The following ZFP64 variants were observed in gnomAD, a reference collection of about 807,000 sequenced individuals.
ZFP64 encodes the protein ZFP64 zinc finger protein.
In ZFP64, 14 loss-of-function variants were observed where a neutral mutation model predicts 51.6. The observed-to-expected ratio is 0.27, with a 90% CI of 0.18 to 0.42. The LOEUF is 0.42. Among genes scored for constraint, ZFP64 ranks in the 10% least tolerant of loss-of-function variants. The pLI is 1.00. For missense variants in ZFP64, 754 were observed against 906.8 expected (o/e 0.83, Z 2.16); for synonymous variants, 375 against 361.4 (o/e 1.04, Z -0.43).
chr20:52,171,547 C>T (rs192500912), intron 2 of ZFP64, among the ~76,000 whole-genome samples: 67 of 148,522 alleles, frequency 4.5e-4, no homozygotes, highest in African/African-American at 1.4e-3. Context: ...TGGAGTGCAA[C>T]GGCGCCATCT....
intron 5 of ZFP64, among the ~76,000 whole-genome samples, chr20:52,107,936 AT>A (rs1978351865): frequency 1.3e-5 from 2 of 152,252 alleles, no homozygotes; most frequent in African/African-American, 2.4e-5. Context: ...GGTATAAGAA[AT>A]AACGTAGGTC....
At chr20:52,159,773 G>C (rs1600773447) in intron 5 of ZFP64, among the ~76,000 whole-genome samples, 1 of 152,156 alleles carries the variant, frequency 6.6e-6, no homozygotes, top group Non-Finnish European at 1.5e-5. Flanking sequence ...GACCACTTGA[G>C]GTCAATAGTT....
At chr20:52,175,893 GAGAGAAA>G in intron 2 of ZFP64, 1 of 727,024 alleles carries the variant, frequency 1.4e-6, no homozygotes, top group Non-Finnish European at 1.6e-6. Flanking sequence ...TTCATTTTCT[GAGAGAAA>G]AGAGAAAATC....
chr20:52,173,769 C>T (rs1982947082), intron 2 of ZFP64, among the ~76,000 whole-genome samples: 3 of 152,006 alleles, frequency 2.0e-5, no homozygotes, highest in African/African-American at 7.3e-5. Flanking sequence ...CTGCCTCAGC[C>T]TCCTGAGTGG....
chr20:52,174,223 C>T (rs974291349), intron 2 of ZFP64, among the ~76,000 whole-genome samples: 5 of 150,818 alleles, frequency 3.3e-5, no homozygotes, highest in Admixed American at 6.6e-5. Context: ...CGGTGGCTCA[C>T]GCCTGTAATC....
chr20:52,128,293 C>T (rs1013708535), intron 5 of ZFP64, among the ~76,000 whole-genome samples: 8 of 152,116 alleles, frequency 5.3e-5, no homozygotes, highest in Non-Finnish European at 1.2e-4. Flanking sequence ...TAATAATACC[C>T]CTGTTCCCAT....
At chr20:52,167,162 T>C (rs562411546) in intron 2 of ZFP64, among the ~76,000 whole-genome samples, 12 of 151,754 alleles carry the variant, frequency 7.9e-5, no homozygotes, top group Admixed American at 6.6e-4. Context: ...CCATCTCTAC[T>C]AAAAATACAA....
At chr20:52,174,283 C>A (rs556583654) in intron 2 of ZFP64, among the ~76,000 whole-genome samples, 1 of 151,102 alleles carries the variant, frequency 6.6e-6, no homozygotes, top group Non-Finnish European at 1.5e-5. Context: ...GTCGGGAGTT[C>A]GAGACCAGCC....
At chr20:52,111,196 AATTTTT>A in intron 5 of ZFP64, 3 of 532,934 alleles carry the variant, frequency 5.6e-6, no homozygotes, top group Admixed American at 3.8e-5. Flanking sequence ...GTCAGCGGTC[AATTTTT>A]TTTTTTTTTT....
At chr20:52,175,859 C>G in intron 2 of ZFP64, 72 of 308,984 alleles carry the variant, frequency 2.3e-4, no homozygotes, top group East Asian at 3.7e-4. Flanking sequence ...CGCACCCCCG[C>G]TGCCGCCCCC....
At chr20:52,171,172 C>A (rs968241316) in intron 2 of ZFP64, among the ~76,000 whole-genome samples, 7 of 152,282 alleles carry the variant, frequency 4.6e-5, no homozygotes, top group Admixed American at 6.5e-5. Context: ...CAAGGGTATC[C>A]CTTCCCACAC....
intron 5 of ZFP64, among the ~76,000 whole-genome samples, chr20:52,155,258 G>A (rs115767167): frequency 0.016 from 2,424 of 152,188 alleles, 67 homozygotes; most frequent in African/African-American, 0.056. Context: ...TTTGATTTCC[G>A]CTGGCGACAA....
chr20:52,179,983 T>G (rs6123135), intron 2 of ZFP64, among the ~76,000 whole-genome samples: 32,257 of 152,190 alleles, frequency 0.21, 3,851 homozygotes, highest in African/African-American at 0.33. Flanking sequence ...ATGTCTGGTA[T>G]TTTGTGGCTT....
At chr20:52,165,539 T>C (rs1340123096) in intron 3 of ZFP64, 1 of 518,430 alleles carries the variant, frequency 1.9e-6, no homozygotes, top group African/African-American at 1.9e-5. Flanking sequence ...CTGAATAAAT[T>C]AAAACCAAAG....
intron 4 of ZFP64, among the ~76,000 whole-genome samples, chr20:52,163,919 CTCT>C (rs1166284537): frequency 6.6e-6 from 1 of 152,198 alleles, no homozygotes; most frequent in Non-Finnish European, 1.5e-5. Flanking sequence ...TGATCTTTCT[CTCT>C]TCTTTTAAAA....
intron 5 of ZFP64, among the ~76,000 whole-genome samples, chr20:52,141,617 T>C (rs1360779358): frequency 6.6e-6 from 1 of 152,194 alleles, no homozygotes; most frequent in Non-Finnish European, 1.5e-5. Context: ...TGCAATCTTA[T>C]GAGAGAACTT....
chr20:52,094,706 C>T (rs1157120181), intron 7 of ZFP64, among the ~76,000 whole-genome samples: 2 of 152,082 alleles, frequency 1.3e-5, no homozygotes, highest in East Asian at 1.9e-4. Context: ...GCATTCCAGC[C>T]TGGGTGACAG....
chr20:52,164,571 G>A (rs1439550996), intron 4 of ZFP64, 124 bp downstream of exon 4: 7 of 824,354 alleles, frequency 8.5e-6, no homozygotes, highest in Non-Finnish European at 6.0e-6. Context: ...TTAAAATCTG[G>A]ACTTGTATTC....
chr20:52,166,272 A>T (rs1297981361), intron 2 of ZFP64, among the ~76,000 whole-genome samples: 2 of 152,010 alleles, frequency 1.3e-5, no homozygotes, highest in African/African-American at 4.8e-5. Flanking sequence ...GGCAGGGCAG[A>T]TGGTAAAAGA....
Sources: gnomAD v4.1 joint callset for allele counts (sites outside exome capture counted in the v4.1 genomes callset) on GRCh38, gnomAD v4.1.1 for gene constraint, MANE v1.5 for transcripts, NCBI Gene and HGNC (gene_info 2026-07-23, HGNC 2026-07-21) for gene names.